Variants in NR1H4 observed in about 807,000 individuals in gnomAD.
NR1H4 encodes nuclear receptor subfamily 1 group H member 4, also known as bile acid receptor.
In NR1H4, 23 loss-of-function variants were observed where a neutral mutation model predicts 58.5. The observed-to-expected ratio is 0.39, with a 90% CI of 0.28 to 0.56. The LOEUF (loss-of-function observed/expected upper bound fraction) is 0.56, where lower values mean the gene tolerates loss of function less well. Ranked by LOEUF, NR1H4 falls within the 20% of genes least tolerant of loss-of-function variation. NR1H4 has a pLI of 0.58. For synonymous variants in NR1H4, 214 were observed against 198.0 expected, an observed-to-expected ratio of 1.08 and a Z score of -0.68; for missense variants, 487 against 576.9, an observed-to-expected ratio of 0.84 and a Z score of 1.60.
In NR1H4 at chr12:100,562,990, G is replaced by A. The variant is rs769979203; in HGVS notation, c.1193-261G>A. Among the ~76,000 whole-genome samples, 4 of 152,296 alleles carry A rather than the reference G, an allele frequency of 2.6e-5. No homozygotes were observed. The East Asian group carries it at 5.8e-4, about 22-fold the overall frequency. On this transcript the variant is annotated intron_variant, in intron 10 of 10. Coordinates refer to ENST00000392986, the MANE Select transcript of NR1H4 (RefSeq NM_001206979.2). ...TATACTCAACAGAAAGGATGCTCAC[G>A]TCCACCCTACAGGTTATCTTTAGGG...
Position 100,510,767 on chromosome 12 carries a change from C to G in NR1H4, c.80-11C>G. 1 of 1,613,840 alleles carries G rather than the reference C, an allele frequency of 6.2e-7. No individual in the cohort carries two copies. Among genetic ancestry groups the G allele is most frequent in the Non-Finnish European group, 8.5e-7 (1 of 1,179,876 alleles). On this transcript the variant is annotated splice_polypyrimidine_tract_variant and intron_variant, in intron 3 of 10. Coordinates refer to ENST00000392986, the MANE Select transcript of NR1H4 (RefSeq NM_001206979.2). ...GACATTCATTCCAGTTTTGTTGTCA[C>G]TTTTGTTCAGGTGTTTTAACAGAAC...
chr12:100,509,957 A>G (rs1216836656), intron 3 of NR1H4, among the ~76,000 whole-genome samples: 1 of 152,158 alleles, frequency 6.6e-6, no homozygotes. Flanking sequence ...GGTGTTTAAT[A>G]CCGATGTGAA....
At chr12:100,479,914 A>G (rs1040501311) in intron 1 of NR1H4, among the ~76,000 whole-genome samples, 3 of 152,192 alleles carry the variant, frequency 2.0e-5, no homozygotes, top group African/African-American at 7.2e-5. Context: ...TCTCAGTTCG[A>G]ATGTCCACTT....
chr12:100,477,565 T>C (rs559213745), intron 1 of NR1H4, among the ~76,000 whole-genome samples: 1 of 152,304 alleles, frequency 6.6e-6, no homozygotes, highest in South Asian at 2.1e-4. Context: ...CCTGTAGATA[T>C]ATTTAACACA....
intron 9 of NR1H4, among the ~76,000 whole-genome samples, chr12:100,559,700 C>T (rs1955419705): frequency 6.6e-6 from 1 of 152,238 alleles, no homozygotes; most frequent in Non-Finnish European, 1.5e-5. Flanking sequence ...CAAGCCTCCC[C>T]AACGAGCACC....
rs528460971 is a variant in NR1H4 at position 100,511,910 on chromosome 12, G to A, written c.445+767G>A. On this transcript the variant is annotated intron_variant, in intron 4 of 10. Coordinates refer to ENST00000392986, the MANE Select transcript of NR1H4 (RefSeq NM_001206979.2). ...GCACTCCAGCCTGGGCAACAAGAGC[G>A]AAAATCCATCTCAAAAAATAATTTT... Among the ~76,000 whole-genome samples the A allele has an allele frequency of 2.3e-4, 34 of 148,710 alleles. No homozygotes were observed. In the South Asian group the frequency reaches 4.3e-3, roughly 19 times the overall value.
intron 3 of NR1H4, chr12:100,503,386 G>A (rs750847995): frequency 1.3e-6 from 2 of 1,596,288 alleles, no homozygotes; most frequent in African/African-American, 2.7e-5. Context: ...AATAAGCTAA[G>A]AATGGTAATG....
intron 9 of NR1H4, among the ~76,000 whole-genome samples, chr12:100,542,691 GT>G (rs1219478663): frequency 6.6e-6 from 1 of 152,162 alleles, no homozygotes; most frequent in African/African-American, 2.4e-5. Flanking sequence ...TAGAGGGAAA[GT>G]TTTCAGGTAG....
chr12:100,522,547 T>C (rs1340648991), intron 4 of NR1H4, among the ~76,000 whole-genome samples: 1 of 152,034 alleles, frequency 6.6e-6, no homozygotes, highest in Non-Finnish European at 1.5e-5. Context: ...TTAAAAAGTT[T>C]TTTTTTTTTT....
chr12:100,547,753 T>C (rs12810948), intron 9 of NR1H4, among the ~76,000 whole-genome samples: 6 of 151,852 alleles, frequency 4.0e-5, no homozygotes, highest in Non-Finnish European at 5.9e-5. Flanking sequence ...AGAGTCTCAC[T>C]CTGTCGCCCA....
At chr12:100,542,188 A>T (rs1020325008) in intron 9 of NR1H4, among the ~76,000 whole-genome samples, 2 of 152,070 alleles carry the variant, frequency 1.3e-5, no homozygotes, top group Non-Finnish European at 2.9e-5. Flanking sequence ...TCTACTAAAA[A>T]TACAAAAAAT....
chr12:100,562,071 A>G lies in NR1H4; in HGVS notation c.1192+73A>G, dbSNP rs547877934. The G allele has an allele frequency of 1.3e-3, 1,022 of 767,742 alleles. 2 individuals are homozygous for G. The highest frequency in any genetic ancestry group is 1.4e-3 in the Non-Finnish European group (626 of 438,300). The allele number at this position is 767,742 out of a possible 1,614,324, so 47.6% of individuals were successfully genotyped here. A position where few individuals can be genotyped will look rare whatever the true frequency, so the allele number is the denominator to read the frequency against. On this transcript the variant is annotated intron_variant, in intron 10 of 10. Coordinates refer to ENST00000392986, the MANE Select transcript of NR1H4 (RefSeq NM_001206979.2). ...ACTAGTAATAACGTTTATTGAAAAA[A>G]ATCTGGAAAACATAGAAATATAAAG...
At chr12:100,515,087 A>C (rs1317200143) in intron 4 of NR1H4, among the ~76,000 whole-genome samples, 1 of 151,432 alleles carries the variant, frequency 6.6e-6, no homozygotes, top group Non-Finnish European at 1.5e-5. Flanking sequence ...ACCTTTGTTC[A>C]TCCAGAGCTC....
intron 1 of NR1H4, among the ~76,000 whole-genome samples, chr12:100,488,096 G>A (rs1025647752): frequency 2.2e-4 from 34 of 152,026 alleles, no homozygotes; most frequent in African/African-American, 8.2e-4. Context: ...TGCCTCCCGA[G>A]TTCAAGTGAT....
intron 4 of NR1H4, among the ~76,000 whole-genome samples, chr12:100,526,923 C>T (rs1353694154): frequency 2.0e-5 from 3 of 152,116 alleles, no homozygotes; most frequent in Non-Finnish European, 4.4e-5. Context: ...TATTTAGAGA[C>T]AGAAAAATTG....
intron 4 of NR1H4, among the ~76,000 whole-genome samples, chr12:100,518,788 CTT>C (rs34055370): frequency 1.2e-4 from 14 of 119,264 alleles, no homozygotes; most frequent in African/African-American, 1.6e-4. Context: ...TGACCAATGA[CTT>C]TTTTTTTTTT....
chr12:100,527,511 G>A (rs1212846973), intron 4 of NR1H4, among the ~76,000 whole-genome samples: 4 of 152,206 alleles, frequency 2.6e-5, no homozygotes, highest in Non-Finnish European at 2.9e-5. Flanking sequence ...CACCCTGGGC[G>A]ACAGAGCAAG....
intron 3 of NR1H4, among the ~76,000 whole-genome samples, chr12:100,509,378 G>A (rs1020861596): frequency 1.3e-5 from 2 of 152,140 alleles, no homozygotes; most frequent in African/African-American, 4.8e-5. Flanking sequence ...GGAAATAGAA[G>A]CATTTTCATA....
At chr12:100,551,650 C>T (rs939635705) in intron 9 of NR1H4, among the ~76,000 whole-genome samples, 1 of 152,194 alleles carries the variant, frequency 6.6e-6, no homozygotes, top group Non-Finnish European at 1.5e-5. Flanking sequence ...AGGTTATTTC[C>T]ATTGCCCCTA....
Sources: allele counts gnomAD v4.1 joint callset (sites outside exome capture counted in the v4.1 genomes callset), GRCh38; gene constraint gnomAD v4.1.1; transcripts MANE v1.5; gene names NCBI Gene and HGNC (gene_info 2026-07-23, HGNC 2026-07-21).